Variants in SUCLG2 observed in about 807,000 individuals in gnomAD.
SUCLG2 encodes the protein succinate--CoA ligase [GDP-forming] subunit beta, mitochondrial.
SUCLG2 carries 42 observed loss-of-function variants against 47.9 expected under a neutral mutation model. That is an observed-to-expected ratio of 0.88 (90% CI 0.69 to 1.14). The LOEUF (loss-of-function observed/expected upper bound fraction) is 1.14, where lower values mean the gene tolerates loss of function less well. Ranked by LOEUF, SUCLG2 falls within the 50% of genes most tolerant of loss-of-function variation. SUCLG2 has a pLI of 0.00. For missense variants in SUCLG2, 571 were observed against 525.9 expected, an observed-to-expected ratio of 1.09 and a Z score of -0.84; for synonymous variants, 195 against 197.3, an observed-to-expected ratio of 0.99 and a Z score of 0.10.
intron 2 of SUCLG2, among the ~76,000 whole-genome samples, chr3:67,577,989 G>A (rs9815939): frequency 0.018 from 2,723 of 152,164 alleles, 76 homozygotes; most frequent in African/African-American, 0.062. Flanking sequence ...GTTGCAGAGT[G>A]CTTGGTGAGA....
At chr3:67,476,220 G>A (rs1022638377) in intron 9 of SUCLG2, among the ~76,000 whole-genome samples, 12 of 152,036 alleles carry the variant, frequency 7.9e-5, no homozygotes, top group Non-Finnish European at 1.2e-4. Context: ...GAACTGGGCC[G>A]CACAGCAGGA....
intron 9 of SUCLG2, among the ~76,000 whole-genome samples, chr3:67,476,616 G>A (rs937897547): frequency 9.9e-5 from 15 of 151,978 alleles, no homozygotes; most frequent in Non-Finnish European, 1.3e-4. Context: ...CTCTTCCCCC[G>A]CAACCCTGCA....
chr3:67,534,544 C>T (rs1333381341), intron 2 of SUCLG2, among the ~76,000 whole-genome samples: 1 of 151,296 alleles, frequency 6.6e-6, no homozygotes, highest in African/African-American at 2.4e-5. Context: ...CTTTCATAAC[C>T]GTTAATACAC....
intron 2 of SUCLG2, among the ~76,000 whole-genome samples, chr3:67,595,047 T>C (rs113192490): frequency 2.8e-4 from 42 of 152,178 alleles, no homozygotes; most frequent in Admixed American, 2.0e-3. Flanking sequence ...AAAAATTTGT[T>C]TGGTGTGGTA....
intron 2 of SUCLG2, among the ~76,000 whole-genome samples, chr3:67,606,926 G>A (rs1195158253): frequency 1.3e-5 from 2 of 152,180 alleles, no homozygotes; most frequent in Middle Eastern, 6.8e-3. Flanking sequence ...ACATAGAAAG[G>A]GTCTGGTGTA....
intron 9 of SUCLG2, among the ~76,000 whole-genome samples, chr3:67,457,709 T>TTTA (rs1704221621): frequency 6.9e-6 from 1 of 145,852 alleles, no homozygotes; most frequent in Admixed American, 6.8e-5. Flanking sequence ...TTTTTTTTTT[T>TTTA]TAGCTGTTTT....
intron 1 of SUCLG2, among the ~76,000 whole-genome samples, chr3:67,621,891 G>C (rs1266798170): frequency 6.6e-6 from 1 of 152,160 alleles, no homozygotes; most frequent in Non-Finnish European, 1.5e-5. Context: ...CTAAGACATG[G>C]CCTATGTATT....
chr3:67,462,253 C>T (rs55867575), intron 9 of SUCLG2, among the ~76,000 whole-genome samples: 4,876 of 152,112 alleles, frequency 0.032, 128 homozygotes, highest in East Asian at 0.12. Context: ...TAAAAATATA[C>T]TCTAATCTCC....
intron 2 of SUCLG2, among the ~76,000 whole-genome samples, chr3:67,556,426 G>A (rs1263197320): frequency 2.0e-5 from 3 of 152,192 alleles, no homozygotes; most frequent in Non-Finnish European, 2.9e-5. Flanking sequence ...GCTAACGGTT[G>A]AGGAATCAGG....
At chr3:67,379,579 T>C (rs1159017322) in intron 10 of SUCLG2, among the ~76,000 whole-genome samples, 1 of 152,228 alleles carries the variant, frequency 6.6e-6, no homozygotes, top group Admixed American at 6.5e-5. Context: ...ATAATTTAGT[T>C]CCTTAATTAA....
intron 9 of SUCLG2, among the ~76,000 whole-genome samples, chr3:67,426,388 G>A (rs986793128): frequency 6.6e-6 from 1 of 152,126 alleles, no homozygotes; most frequent in African/African-American, 2.4e-5. Flanking sequence ...TAATGGCTCT[G>A]CACAAACAAT....
In SUCLG2 at chr3:67,365,329, A is replaced by C. The variant is rs564229687; in HGVS notation, c.1184-4561T>G. Among the ~76,000 whole-genome samples, 48 of 152,346 alleles carry C rather than the reference A, an allele frequency of 3.2e-4. No homozygotes were observed. The South Asian group carries it at 5.6e-3, about 18-fold the overall frequency. On this transcript the variant is annotated intron_variant, in intron 10 of 10. Coordinates refer to the SUCLG2 transcript ENST00000493112. ...ACGAAACTCACGATTTTCAAGAATA[A>C]GTCTGAGTATGACTATGTAGGTTAT...
At chr3:67,514,348 T>C in intron 6 of SUCLG2, 1 of 338,438 alleles carries the variant, frequency 3.0e-6, no homozygotes, top group Non-Finnish European at 6.1e-6. Context: ...ACTATGTGTA[T>C]TCTTGCTGAA....
chr3:67,653,257 T>A (rs1267809948), intron 1 of SUCLG2, among the ~76,000 whole-genome samples: 2 of 152,224 alleles, frequency 1.3e-5, no homozygotes, highest in African/African-American at 4.8e-5. Flanking sequence ...TAGGACTTCA[T>A]CTCCTAGAGC....
chr3:67,649,172 T>C (rs1437192225), intron 1 of SUCLG2, among the ~76,000 whole-genome samples: 1 of 152,198 alleles, frequency 6.6e-6, no homozygotes, highest in Non-Finnish European at 1.5e-5. Context: ...AGGGAATAGT[T>C]CTGCAGACAC....
chr3:67,520,364 C>A, intron 5 of SUCLG2, 118 bp downstream of exon 5: 1 of 1,452,800 alleles, frequency 6.9e-7, no homozygotes, highest in Admixed American at 1.8e-5. Context: ...TCAGCATCTT[C>A]TTACCTTAAA....
At chr3:67,621,742 T>G (rs1700740602) in intron 1 of SUCLG2, among the ~76,000 whole-genome samples, 1 of 151,920 alleles carries the variant, frequency 6.6e-6, no homozygotes. Flanking sequence ...GCAGAAGAGG[T>G]CTCATCAGCA....
intron 1 of SUCLG2, among the ~76,000 whole-genome samples, chr3:67,612,414 G>A (rs1323423432): frequency 8.2e-6 from 1 of 122,422 alleles, no homozygotes; most frequent in Non-Finnish European, 1.7e-5. Flanking sequence ...GTTTACTTCT[G>A]CATTCTCAGT....
At position 67,428,150 on chromosome 3, in the gene SUCLG2, TG is replaced by T. The variant is rs1481744190; in HGVS notation, c.1063-27300del. 2.0e-5 allele frequency among the ~76,000 whole-genome samples: 3 copies of T among 152,296 alleles called. No homozygotes were observed. In the East Asian group the frequency reaches 5.8e-4, roughly 29 times the overall value. ...AGAATGGACAGACTGCCTCCTCAAG[TG>T]GGTCCCTGACCCCTGAGTAGCCTAA... On this transcript the variant is annotated intron_variant, in intron 9 of 10. Transcript: ENST00000307227.
Sources: allele counts gnomAD v4.1 joint callset (sites outside exome capture counted in the v4.1 genomes callset), GRCh38; gene constraint gnomAD v4.1.1; transcripts MANE v1.5; gene names NCBI Gene and HGNC (gene_info 2026-07-23, HGNC 2026-07-21).